Variants in MLST8 observed in about 807,000 individuals in gnomAD.
MLST8 encodes the protein MTOR associated protein MLST8.
MLST8 carries 20 observed loss-of-function variants against 41.3 expected under a neutral mutation model. That is an observed-to-expected ratio of 0.48 (90% CI 0.34 to 0.70). The LOEUF is 0.70. Ranked by LOEUF, MLST8 falls within the 30% of genes least tolerant of loss-of-function variation. MLST8 has a pLI of 0.01. For missense variants in MLST8, 422 were observed against 454.3 expected (o/e 0.93, Z 0.65); for synonymous variants, 243 against 183.0 (o/e 1.33, Z -2.65).
chr16:2,206,055 G>C lies in MLST8; in HGVS notation c.-31G>C. On this transcript the variant is annotated 5_prime_UTR_variant, in exon 2 of 9. Coordinates refer to ENST00000569417, the MANE Select transcript of MLST8 (RefSeq NM_022372.6). ...GATGCTCTGACCTTTGACCCCTGCC[G>C]TTCAGCTCTAGGGCCCGTGCAGGCC... 6.4e-7 allele frequency: 1 copy of C among 1,552,344 alleles called. No individual in the cohort carries two copies. The highest frequency in any genetic ancestry group is 2.3e-5 in the East Asian group (1 of 44,022).
rs774431592 is a variant in MLST8 at position 2,208,497 on chromosome 16, C to A, written c.746C>A (p.Thr249Lys). 6.2e-7 allele frequency: 1 copy of A among 1,613,330 alleles called. No individual in the cohort carries two copies. The highest frequency in any genetic ancestry group is 8.5e-7 in the Non-Finnish European group (1 of 1,179,906). The change falls in exon 8 of 9, where the codon ACG (threonine) becomes AAG (lysine). Residue 249 changes from threonine to lysine, a missense_variant. Coordinates refer to ENST00000569417, the MANE Select transcript of MLST8 (RefSeq NM_022372.6). The stretch of plus-strand genomic sequence containing the variant: ...GATCAGACGTGCAAGATCTGGAGGA[C>A]GTCCAACTTCTCCCTGATGACGGAG... ...SADQTCKIWRTSNFSLMTELS... is the reference protein window; with the variant it reads ...SADQTCKIWRKSNFSLMTELS...
In MLST8 at chr16:2,207,205, G is replaced by A. The variant is rs1201528887; in HGVS notation, c.433G>A (p.Val145Met). 6.2e-7 allele frequency: 1 copy of A among 1,614,046 alleles called. No individual in the cohort carries two copies. The highest frequency in any genetic ancestry group is 8.5e-7 in the Non-Finnish European group (1 of 1,179,942). The part of the protein sequence containing the change: ...CLHPNQAELI[V>M]GDQSGAIHIW... Reference sequence around the variant, plus strand: ...CCCTGCACCCCAGGCAGAGCTCATCGTGGGTGACCAGAGCGGGGCTATCCA... The same window carrying A: ...CCCTGCACCCCAGGCAGAGCTCATCATGGGTGACCAGAGCGGGGCTATCCA... Residue 145 changes from valine (V) to methionine (M), a missense_variant, in exon 6 of 9, where the codon GTG becomes ATG. Physicochemically the swap from Val to Met is conservative, Grantham distance 21. Transcript: ENST00000569417.
At position 2,205,632 on chromosome 16, in the gene MLST8, G is replaced by C. The variant is rs894960735; in HGVS notation, c.-56+120G>C. ...GGTCACCGGAGGAAAGGGGAGCTCG[G>C]GGGTCCAGCCAGACTGCGCCCTTTC... On this transcript the variant is annotated intron_variant, in intron 1 of 8. Transcript: ENST00000569417. 3.1e-6 allele frequency: 3 copies of C among 968,108 alleles called. No homozygotes were observed. The African/African-American group carries it at 5.3e-5, about 17-fold the overall frequency. The allele number at this position is 968,108 out of a possible 1,614,324, so 60.0% of individuals were successfully genotyped here.
intron 1 of MLST8, 186 bp from the exon 2 acceptor site, chr16:2,205,845 T>G: frequency 7.9e-7 from 1 of 1,262,534 alleles, no homozygotes. Flanking sequence ...GGGGCGGGGA[T>G]GGAGCACGCG....
rs921277682 is a variant in MLST8 at position 2,206,426 on chromosome 16, A to C, written c.181+17A>C. 7 of 1,614,002 alleles carry C rather than the reference A, an allele frequency of 4.3e-6. No homozygotes were observed. The highest frequency in any genetic ancestry group is 5.1e-6 in the Non-Finnish European group (6 of 1,179,962). On this transcript the variant is annotated intron_variant, in intron 3 of 8. Coordinates refer to ENST00000569417, the MANE Select transcript of MLST8 (RefSeq NM_022372.6). ...CTGCTGCAGGTATCTGTGATCCTTG[A>C]TCTCTAAACTCCTGAGCTCTGGTGG...
intron 6 of MLST8, 92 bp from the exon 7 acceptor site, chr16:2,208,118 A>T: frequency 6.8e-7 from 1 of 1,465,090 alleles, no homozygotes; most frequent in Admixed American, 2.2e-5. Context: ...CCCCATGCAC[A>T]GTTGGCCCCC....
At chr16:2,206,822 G>C (rs1451140021) in intron 4 of MLST8, 163 bp downstream of exon 4, 6 of 1,025,882 alleles carry the variant, frequency 5.8e-6, no homozygotes, top group Non-Finnish European at 8.9e-6. Flanking sequence ...ATCAGAGCGC[G>C]AGTCCTGCCT....
Position 2,209,361 on chromosome 16 carries a change from C to T in MLST8, c.*484C>T. On this transcript the variant is annotated 3_prime_UTR_variant, in exon 9 of 9. Transcript: ENST00000569417. ...GGGCCAGGCTGGGCCAGGTCGGGGG[C>T]TCAGTCTGGGAGGTAATAAAAGCAG... 6.2e-7 allele frequency: 1 copy of T among 1,609,126 alleles called. No individual in the cohort carries two copies. The highest frequency in any genetic ancestry group is 8.5e-7 in the Non-Finnish European group (1 of 1,176,342).
Position 2,208,433 on chromosome 16 carries a change from C to G in MLST8, c.699-17C>G. The G allele has an allele frequency of 6.2e-7, 1 of 1,611,814 alleles. No homozygotes were observed. The highest frequency in any genetic ancestry group is 2.2e-5 in the East Asian group (1 of 44,872). ...TGGAGTGGCTGCTGCTGGACACGCC[C>G]CATGCCCACCCACTAGGCTCCTCGC... On this transcript the variant is annotated splice_polypyrimidine_tract_variant and intron_variant, in intron 7 of 8. Transcript: ENST00000569417.
At position 2,208,765 on chromosome 16, in the gene MLST8, C is replaced by T. The variant is rs781350612; in HGVS notation, c.869C>T (p.Ser290Leu). The T allele has an allele frequency of 3.5e-5, 57 of 1,613,844 alleles. No individual in the cohort carries two copies. The highest frequency in any genetic ancestry group is 2.7e-5 in the African/African-American group (2 of 74,932). ...GCACAATCTCCCCCTCCAGCTTCCTCGGACAACCTGGCCCGGCTCTGGTGT... is the reference window on the plus strand; with the variant it reads ...GCACAATCTCCCCCTCCAGCTTCCTTGGACAACCTGGCCCGGCTCTGGTGT... ...GDSQYIVTAS[S>L]DNLARLWCVE... The change falls in exon 9 of 9, where the codon TCG (serine) becomes TTG (leucine). Residue 290 changes from serine (S) to leucine (L), a missense_variant. Physicochemically the swap from Ser to Leu is moderately radical, Grantham distance 145 (BLOSUM62 -2). Coordinates refer to ENST00000569417, the MANE Select transcript of MLST8 (RefSeq NM_022372.6).
intron 4 of MLST8, 67 bp from the exon 5 acceptor site, chr16:2,206,968 C>A: frequency 6.3e-7 from 1 of 1,585,208 alleles, no homozygotes; most frequent in Non-Finnish European, 8.6e-7. Context: ...AATGGCCAGG[C>A]CGAGGCCATC....
At position 2,208,731 on chromosome 16, in the gene MLST8, C is replaced by G. The variant is rs768472402; in HGVS notation, c.863-28C>G. On this transcript the variant is annotated intron_variant, in intron 8 of 8. Coordinates refer to ENST00000569417, the MANE Select transcript of MLST8 (RefSeq NM_022372.6). Reference sequence around the variant, plus strand: ...CGCCTGCTTGGCCTGCACCTGCGCTCTTAGCCCTGCACAATCTCCCCCTCC... The same window carrying G: ...CGCCTGCTTGGCCTGCACCTGCGCTGTTAGCCCTGCACAATCTCCCCCTCC... 8 of 1,613,652 alleles carry G rather than the reference C, an allele frequency of 5.0e-6. No homozygotes were observed. The African/African-American group carries it at 5.3e-5, about 11-fold the overall frequency.
At chr16:2,205,696 C>G (rs140526028) in intron 1 of MLST8, 184 bp downstream of exon 1, 19 of 994,066 alleles carry the variant, frequency 1.9e-5, no homozygotes, top group East Asian at 1.1e-4. Context: ...GCATGCGCAG[C>G]CGCAGCGCTC....
In MLST8 at chr16:2,208,334, C is replaced by T. The variant is rs1467513600; in HGVS notation, c.698C>T (p.Thr233Met). The T allele has an allele frequency of 6.2e-6, 10 of 1,606,096 alleles. No individual in the cohort carries two copies. The highest frequency in any genetic ancestry group is 8.5e-6 in the Non-Finnish European group (10 of 1,174,404). ...CAGTGTCGCTTCAGCCCCGACTCCA[C>T]GTGCGTGCAGGGCCTGCTGGCCCGG... The part of the protein sequence containing the change: ...ALQCRFSPDS[T>M]LLATCSADQT... Residue 233 changes from threonine to methionine, a missense_variant and splice_region_variant, in exon 7 of 9, where the codon ACG (threonine) becomes ATG (methionine). Transcript: ENST00000569417.
In MLST8 at chr16:2,208,965, C is replaced by T. The variant is rs779969998; in HGVS notation, c.*88C>T. 5.6e-5 allele frequency: 80 copies of T among 1,431,432 alleles called. 1 individual carries two copies. Among genetic ancestry groups the T allele is most frequent in the South Asian group, 2.9e-4 (25 of 85,394 alleles). The allele number at this position is 1,431,432 out of a possible 1,614,324, so 88.7% of individuals were successfully genotyped here. A position where few individuals can be genotyped will look rare whatever the true frequency, so the allele number is the denominator to read the frequency against. On this transcript the variant is annotated 3_prime_UTR_variant, in exon 9 of 9. Coordinates refer to ENST00000569417, the MANE Select transcript of MLST8 (RefSeq NM_022372.6). ...CAGGTCAGAGCAGACCCTCCCCTGC[C>T]GGCCTGCGCCAGCTGGACCTGATGG... is the stretch of plus-strand genomic sequence containing the variant.
chr16:2,208,136 G>T (rs2093332744), intron 6 of MLST8, 74 bp from the exon 7 acceptor site: 1 of 1,515,782 alleles, frequency 6.6e-7, no homozygotes, highest in African/African-American at 1.4e-5. Flanking sequence ...CCCAGTGTTG[G>T]CCCCCAGGGC....
At chr16:2,205,917 TC>T (rs776310768) in intron 1 of MLST8, 113 bp from the exon 2 acceptor site, 1 of 1,441,236 alleles carries the variant, frequency 6.9e-7, no homozygotes, top group South Asian at 1.5e-5. Flanking sequence ...TACCTGCGCT[TC>T]TTGTCCCAAC....
rs775090749 is a variant in MLST8, at chr16:2,206,678, G to A, written c.344+19G>A. 1.6e-5 allele frequency: 26 copies of A among 1,607,734 alleles called. No homozygotes were observed. The highest frequency in any genetic ancestry group is 2.0e-5 in the Non-Finnish European group (23 of 1,177,632). On this transcript the variant is annotated intron_variant, in intron 4 of 8. Transcript: ENST00000569417. ...ACCTCAGGTGCGGTGGGGAGGGGGC[G>A]TGCTGCCCGGGGCTGGGGTGGGCTG...
At chr16:2,208,427 C>T in intron 7 of MLST8, 23 bp from the exon 8 acceptor site, 9 of 1,611,038 alleles carry the variant, frequency 5.6e-6, no homozygotes, top group Non-Finnish European at 7.6e-6. Flanking sequence ...TGCTGCTGGA[C>T]ACGCCCCATG....
Sources: gnomAD v4.1 joint callset for allele counts on GRCh38, gnomAD v4.1.1 for gene constraint, MANE v1.5 for transcripts, NCBI Gene and HGNC (gene_info 2026-07-23, HGNC 2026-07-21) for gene names.